The following ENOX1 variants were observed in gnomAD, a reference collection of about 807,000 sequenced individuals.
The protein encoded by ENOX1 is ecto-NOX disulfide-thiol exchanger 1, also known as candidate growth-related and time keeping constitutive hydroquinone (NADH) oxidase.
Under a neutral mutation model 82.5 loss-of-function variants are expected in ENOX1, and 42 were observed. The ratio of observed to expected loss-of-function variants is 0.51; its 90% CI spans 0.40 to 0.66. ENOX1 has a LOEUF of 0.66. Among genes scored for constraint, ENOX1 ranks in the 30% least tolerant of loss-of-function variants. The pLI, the probability that ENOX1 is intolerant of heterozygous loss-of-function variation, is 0.00. For missense variants in ENOX1, 608 were observed against 811.6 expected (o/e 0.75, Z 3.05); for synonymous variants, 271 against 282.2 (o/e 0.96, Z 0.40).
At chr13:43,549,977 C>A (rs980126391) in intron 2 of ENOX1, among the ~76,000 whole-genome samples, 4 of 152,142 alleles carry the variant, frequency 2.6e-5, no homozygotes, top group African/African-American at 9.7e-5. Flanking sequence ...CAGATGGCAG[C>A]AGGGGGATGG....
chr13:43,727,095 C>T (rs2089028004), intron 1 of ENOX1, among the ~76,000 whole-genome samples: 2 of 152,148 alleles, frequency 1.3e-5, no homozygotes, highest in African/African-American at 4.8e-5. Context: ...TGTTTGTTCT[C>T]TCCTTCATGG....
At chr13:43,590,267 G>A (rs2081185454) in intron 2 of ENOX1, among the ~76,000 whole-genome samples, 1 of 151,998 alleles carries the variant, frequency 6.6e-6, no homozygotes, top group Non-Finnish European at 1.5e-5. Context: ...CAGTGAACTA[G>A]AACAAAGACT....
chr13:43,307,935 T>C (rs542517647), intron 11 of ENOX1, among the ~76,000 whole-genome samples: 1 of 152,218 alleles, frequency 6.6e-6, no homozygotes, highest in Non-Finnish European at 1.5e-5. Flanking sequence ...CTTTTCACTG[T>C]GGGAGAGGAG....
chr13:43,499,702 A>G (rs1454581677), intron 2 of ENOX1, among the ~76,000 whole-genome samples: 1 of 152,128 alleles, frequency 6.6e-6, no homozygotes, highest in Non-Finnish European at 1.5e-5. Flanking sequence ...CAAGGATCAC[A>G]AAGAATCAGG....
intron 3 of ENOX1, among the ~76,000 whole-genome samples, chr13:43,464,257 T>C (rs2057620760): frequency 6.6e-6 from 1 of 151,782 alleles, no homozygotes; most frequent in Admixed American, 6.6e-5. Flanking sequence ...TCAAAATATA[T>C]GAAGGAAATA....
chr13:43,349,648 C>T (rs1443088460), intron 8 of ENOX1, among the ~76,000 whole-genome samples: 1 of 152,206 alleles, frequency 6.6e-6, no homozygotes, highest in East Asian at 1.9e-4. Flanking sequence ...CAGCCTTTCT[C>T]ACACCTCCAG....
intron 2 of ENOX1, among the ~76,000 whole-genome samples, chr13:43,533,167 C>T (rs979159204): frequency 6.6e-6 from 1 of 152,044 alleles, no homozygotes; most frequent in Non-Finnish European, 1.5e-5. Flanking sequence ...GAGAAATGTG[C>T]ACCCGGTGAG....
intron 11 of ENOX1, among the ~76,000 whole-genome samples, chr13:43,319,687 G>C (rs1278334783): frequency 6.6e-6 from 1 of 152,104 alleles, no homozygotes; most frequent in Non-Finnish European, 1.5e-5. Context: ...ACCTCCTCCC[G>C]GCACAGGCAG....
intron 3 of ENOX1, among the ~76,000 whole-genome samples, chr13:43,437,080 T>C (rs557248298): frequency 2.0e-5 from 3 of 152,188 alleles, no homozygotes; most frequent in Non-Finnish European, 4.4e-5. Context: ...TGAAAAAACA[T>C]ACCAAAGGGA....
At chr13:43,524,389 C>T (rs760648061) in intron 2 of ENOX1, among the ~76,000 whole-genome samples, 4 of 152,110 alleles carry the variant, frequency 2.6e-5, no homozygotes, top group Non-Finnish European at 5.9e-5. Flanking sequence ...CAGATTCCAC[C>T]ACTCACCAAG....
Position 43,786,406 on chromosome 13 carries a change from C to T in ENOX1, c.-285+246G>A, listed in dbSNP as rs1952628321. Among the ~76,000 whole-genome samples the T allele has an allele frequency of 6.6e-6, 1 of 151,278 alleles. No individual in the cohort carries two copies. The highest frequency in any genetic ancestry group is 2.4e-5 in the African/African-American group (1 of 41,174). ...AACAGCTGTCTGGGGCGCTGGGCAC[C>T]CCCGGGCGCGTAAAAGTGAGGGAGC... On this transcript the variant is annotated intron_variant, in intron 1 of 16. Transcript: ENST00000690772. The surrounding 1 kb of genome is among the most constrained non-coding windows in gnomAD (Gnocchi z 6.0).
chr13:43,415,232 G>GTTTTTTTTTTTT (rs71202260), intron 3 of ENOX1, among the ~76,000 whole-genome samples: 12 of 54,640 alleles, frequency 2.2e-4, no homozygotes, highest in East Asian at 6.8e-4. Context: ...CCAATCCAAT[G>GTTTTTTTTTTTT]TTTTTTTTTT....
At chr13:43,441,967 T>C (rs754940080) in intron 3 of ENOX1, among the ~76,000 whole-genome samples, 6 of 152,074 alleles carry the variant, frequency 3.9e-5, no homozygotes, top group Non-Finnish European at 8.8e-5. Flanking sequence ...GGTAGAGGCA[T>C]ATATGTGGGT....
intron 2 of ENOX1, among the ~76,000 whole-genome samples, chr13:43,639,344 C>T (rs1170951255): frequency 6.6e-6 from 1 of 152,110 alleles, no homozygotes; most frequent in Non-Finnish European, 1.5e-5. Context: ...AACCTTTTCA[C>T]TAAGAGAAAA....
chr13:43,342,436 G>A (rs2049120609), intron 9 of ENOX1, among the ~76,000 whole-genome samples: 1 of 152,120 alleles, frequency 6.6e-6, no homozygotes, highest in East Asian at 1.9e-4. Flanking sequence ...ACCAGAAGAG[G>A]AGCAGGTTTG....
chr13:43,228,211 C>CT (rs2042114310), intron 15 of ENOX1, among the ~76,000 whole-genome samples: 1 of 142,426 alleles, frequency 7.0e-6, no homozygotes, highest in Admixed American at 7.5e-5. Flanking sequence ...AATATGGAGA[C>CT]TATTTTATGG....
intron 1 of ENOX1, among the ~76,000 whole-genome samples, chr13:43,722,455 C>G (rs2088642627): frequency 6.6e-6 from 1 of 152,156 alleles, no homozygotes. Context: ...GGAAAAATTT[C>G]CAAAGAAGTA....
At chr13:43,732,260 GT>G (rs1196340530) in intron 1 of ENOX1, among the ~76,000 whole-genome samples, 1 of 152,120 alleles carries the variant, frequency 6.6e-6, no homozygotes, top group Non-Finnish European at 1.5e-5. Context: ...ACCTGTTCCT[GT>G]TTTATGACAC....
intron 2 of ENOX1, among the ~76,000 whole-genome samples, chr13:43,639,983 C>T (rs550040025): frequency 6.6e-6 from 1 of 152,180 alleles, no homozygotes; most frequent in East Asian, 1.9e-4. Flanking sequence ...GAGCTGAGAT[C>T]GCATCACTGC....
Sources: allele counts gnomAD v4.1 joint callset (sites outside exome capture counted in the v4.1 genomes callset), GRCh38; gene constraint gnomAD v4.1.1; non-coding constraint Gnocchi (gnomAD v3.1); transcripts MANE v1.5; gene names NCBI Gene and HGNC (gene_info 2026-07-23, HGNC 2026-07-21).